NALF1: variants seen among roughly 807,000 people sequenced by gnomAD.
The protein encoded by NALF1 is family with sequence similarity 155 member A.
Under a neutral mutation model 48.4 loss-of-function variants are expected in NALF1, and 3 were observed. The ratio of observed to expected loss-of-function variants is 0.06; its 90% confidence interval spans 0.03 to 0.16. NALF1 has a LOEUF of 0.16. Ranked by LOEUF, NALF1 falls within the 10% of genes least tolerant of loss-of-function variation. The pLI, the probability that NALF1 is intolerant of heterozygous loss-of-function variation, is 1.00. For missense variants in NALF1, 526 were observed against 571.5 expected, an observed-to-expected ratio of 0.92 and a Z score of 0.81; for synonymous variants, 262 against 245.7, an observed-to-expected ratio of 1.07 and a Z score of -0.62.
chr13:107,573,891 G>A (rs9587404), intron 1 of NALF1, among the ~76,000 whole-genome samples: 29,071 of 152,136 alleles, frequency 0.19, 3,275 homozygotes, highest in Middle Eastern at 0.29. Flanking sequence ...GCCATGTGGA[G>A]CTGTGAGTCA....
intron 1 of NALF1, among the ~76,000 whole-genome samples, chr13:107,523,969 T>C (rs1407728042): frequency 1.3e-5 from 2 of 152,166 alleles, no homozygotes; most frequent in African/African-American, 2.4e-5. Flanking sequence ...TTTCATTATA[T>C]GGAGTTACCT....
intron 1 of NALF1, among the ~76,000 whole-genome samples, chr13:107,720,322 C>CA (rs1322619341): frequency 6.6e-6 from 1 of 151,928 alleles, no homozygotes; most frequent in Non-Finnish European, 1.5e-5. Context: ...CCAGCCTGAC[C>CA]AATATGGTGA....
At position 107,551,136 on chromosome 13, in the gene NALF1, G is replaced by A. The variant is rs61965933; in HGVS notation, c.915+314546C>T. Among the ~76,000 whole-genome samples the A allele has an allele frequency of 6.0e-3, 907 of 152,164 alleles. 11 individuals are homozygous for A. The highest frequency in any genetic ancestry group is 8.3e-3 in the Non-Finnish European group (562 of 67,994). ...TCTCTCTGGTCGTACTGCGTCTGAA[G>A]TACATGTGCAGAATCAAGTTTATGC... On this transcript the variant is annotated intron_variant, in intron 1 of 2. Transcript: ENST00000375915.
intron 2 of NALF1, among the ~76,000 whole-genome samples, chr13:107,204,343 C>T (rs1879590776): frequency 6.6e-6 from 1 of 152,224 alleles, no homozygotes; most frequent in Non-Finnish European, 1.5e-5. Flanking sequence ...CTAGCTCGGG[C>T]CTCTGCTGTC....
At position 107,350,792 on chromosome 13, in the gene NALF1, A is replaced by G. The variant is rs145347474; in HGVS notation, c.916-140037T>C. Among the ~76,000 whole-genome samples, 199 of 152,304 alleles carry G rather than the reference A, an allele frequency of 1.3e-3. 2 individuals are homozygous for G. In the South Asian group the frequency reaches 0.014, roughly 11 times the overall value. Reference sequence around the variant, plus strand: ...ACTCAGAAGGCTTGATGATGCACAGACTGCTGGCCCCAGCTCCAGATTTGC... The same window carrying G: ...ACTCAGAAGGCTTGATGATGCACAGGCTGCTGGCCCCAGCTCCAGATTTGC... On this transcript the variant is annotated intron_variant, in intron 1 of 2. Coordinates refer to ENST00000375915, the MANE Select transcript of NALF1 (RefSeq NM_001080396.3).
chr13:107,638,229 ATAT>A (rs1278420322), intron 1 of NALF1, among the ~76,000 whole-genome samples: 2 of 130,104 alleles, frequency 1.5e-5, no homozygotes, highest in Non-Finnish European at 3.5e-5. Context: ...ACATTGGGAG[ATAT>A]TATTTAAGAT....
At chr13:107,279,309 G>A (rs1162804858) in intron 1 of NALF1, among the ~76,000 whole-genome samples, 2 of 151,810 alleles carry the variant, frequency 1.3e-5, no homozygotes. Flanking sequence ...GGGCTGGAGG[G>A]CAACAGTGCC....
chr13:107,380,190 T>G (rs968619081), intron 1 of NALF1, among the ~76,000 whole-genome samples: 1 of 152,330 alleles, frequency 6.6e-6, no homozygotes, highest in Middle Eastern at 3.4e-3. Context: ...CTTAACTAAA[T>G]ATATCTACTA....
intron 1 of NALF1, among the ~76,000 whole-genome samples, chr13:107,700,003 A>C (rs528219900): frequency 5.7e-4 from 87 of 152,212 alleles, no homozygotes; most frequent in African/African-American, 1.9e-3. Context: ...GAAAACATTA[A>C]AGACGCAAAG....
rs554856948 is a variant in NALF1 at position 107,586,916 on chromosome 13, T to C, written c.915+278766A>G. On this transcript the variant is annotated intron_variant, in intron 1 of 2. Transcript: ENST00000375915. ...TAGATTAGAAATAGATTTACCATGA[T>C]TAATCTATTATGCTAGCAAACTTAT... 4.6e-5 allele frequency among the ~76,000 whole-genome samples: 7 copies of C among 152,212 alleles called. No homozygotes were observed. The South Asian group carries it at 1.2e-3, about 27-fold the overall frequency.
intron 1 of NALF1, among the ~76,000 whole-genome samples, chr13:107,234,842 C>G (rs548612687): frequency 1.2e-4 from 19 of 152,274 alleles, no homozygotes; most frequent in Non-Finnish European, 2.1e-4. Flanking sequence ...TTGGTAATGA[C>G]AGTTTGACTG....
intron 1 of NALF1, among the ~76,000 whole-genome samples, chr13:107,452,416 G>A (rs928174032): frequency 6.6e-6 from 1 of 152,170 alleles, no homozygotes. Context: ...TCTTCACAAG[G>A]TGGCAGGAAG....
In NALF1 at chr13:107,867,123, C is replaced by CCCT. The variant is rs989584833; in HGVS notation, c.-530_-528dup. Among the ~76,000 whole-genome samples the CCCT allele has an allele frequency of 2.4e-4, 37 of 151,352 alleles. No individual in the cohort carries two copies. Among genetic ancestry groups the CCCT allele is most frequent in the East Asian group, 7.9e-4 (4 of 5,086 alleles). ...CCACTGACGGCGCCCGGAGCGCCTC[C>CCCT]CCTCCTCCTCCTCCTCCTCCTCTTC... On this transcript the variant is annotated 5_prime_UTR_variant, in exon 1 of 3. Coordinates refer to ENST00000375915, the MANE Select transcript of NALF1 (RefSeq NM_001080396.3). This position sits in a 1 kb window ranked among gnomAD's most constrained non-coding sequence, Gnocchi z 4.4.
chr13:107,675,399 T>C (rs1429470056), intron 1 of NALF1, among the ~76,000 whole-genome samples: 1 of 152,218 alleles, frequency 6.6e-6, no homozygotes, highest in African/African-American at 2.4e-5. Flanking sequence ...AGAGTTGTTC[T>C]AGAGGCTTTT....
At chr13:107,540,861 A>G (rs1876979855) in intron 1 of NALF1, among the ~76,000 whole-genome samples, 1 of 152,144 alleles carries the variant, frequency 6.6e-6, no homozygotes, top group East Asian at 1.9e-4. Context: ...GAATACATAA[A>G]CTTATTTAGA....
intron 1 of NALF1, among the ~76,000 whole-genome samples, chr13:107,336,505 A>T (rs1315565141): frequency 6.6e-6 from 1 of 152,152 alleles, no homozygotes; most frequent in African/African-American, 2.4e-5. Context: ...TATCAATGCA[A>T]TAGCCACTGG....
intron 1 of NALF1, among the ~76,000 whole-genome samples, chr13:107,594,552 G>T (rs999976868): frequency 6.6e-6 from 1 of 151,884 alleles, no homozygotes; most frequent in African/African-American, 2.4e-5. Flanking sequence ...TCAAGGCATT[G>T]TACATTTACT....
intron 1 of NALF1, among the ~76,000 whole-genome samples, chr13:107,339,203 C>T (rs1433773020): frequency 6.6e-6 from 1 of 151,124 alleles, no homozygotes; most frequent in East Asian, 1.9e-4. Flanking sequence ...ATGAAATAAC[C>T]TGAAACTTAT....
At chr13:107,385,695 A>C (rs902504525) in intron 1 of NALF1, among the ~76,000 whole-genome samples, 1 of 152,246 alleles carries the variant, frequency 6.6e-6, no homozygotes, top group Non-Finnish European at 1.5e-5. Flanking sequence ...GGCTATTTGA[A>C]GAACAAGATT....
Sources: gnomAD v4.1 joint callset for allele counts (sites outside exome capture counted in the v4.1 genomes callset) on GRCh38, gnomAD v4.1.1 for gene constraint, Gnocchi (gnomAD v3.1) non-coding constraint, MANE v1.5 for transcripts, NCBI Gene and HGNC (gene_info 2026-07-23, HGNC 2026-07-21) for gene names.